Variants in PRSS23 observed in about 807,000 individuals in gnomAD.
PRSS23 encodes the protein serine protease 23, also known as protease, serine 23.
Under a neutral mutation model 34.7 loss-of-function variants are expected in PRSS23, and 25 were observed. The ratio of observed to expected loss-of-function variants is 0.72; its 90% CI spans 0.53 to 1.01. PRSS23 has a LOEUF of 1.01. Among genes scored for constraint, PRSS23 ranks in the 50% least tolerant of loss-of-function variants. The pLI, the probability that PRSS23 is intolerant of heterozygous loss-of-function variation, is 0.00. For synonymous variants in PRSS23, 176 were observed against 186.6 expected, an observed-to-expected ratio of 0.94 and a Z score of 0.46; for missense variants, 445 against 475.6, an observed-to-expected ratio of 0.94 and a Z score of 0.60.
intron 2 of PRSS23, among the ~76,000 whole-genome samples, chr11:86,847,877 C>T (rs949482559): frequency 5.3e-5 from 8 of 152,266 alleles, no homozygotes; most frequent in Admixed American, 2.0e-4. Flanking sequence ...CAATACTGCC[C>T]TGTGCCAAGC....
chr11:86,806,991 G>T (rs1277905382), intron 1 of PRSS23, among the ~76,000 whole-genome samples: 1 of 152,112 alleles, frequency 6.6e-6, no homozygotes, highest in Non-Finnish European at 1.5e-5. Flanking sequence ...TAATAGTAAA[G>T]GTTGTTGTAA....
At chr11:86,854,427 T>C (rs1948554188) in intron 2 of PRSS23, among the ~76,000 whole-genome samples, 1 of 152,258 alleles carries the variant, frequency 6.6e-6, no homozygotes. Context: ...TTTTCAGATG[T>C]ATGATTTGCA....
At chr11:86,892,917 T>C (rs1948850928) in intron 2 of PRSS23, among the ~76,000 whole-genome samples, 1 of 152,130 alleles carries the variant, frequency 6.6e-6, no homozygotes, top group Non-Finnish European at 1.5e-5. Context: ...GGGTTGAATA[T>C]TGTCCCCCAA....
intron 2 of PRSS23, chr11:86,935,592 CAATTACT>C (rs1287871170): frequency 6.6e-6 from 1 of 152,068 alleles, no homozygotes; most frequent in Non-Finnish European, 1.5e-5. Flanking sequence ...CATCCATTAC[CAATTACT>C]AAACACATAC....
intron 1 of PRSS23, among the ~76,000 whole-genome samples, chr11:86,822,192 G>A (rs540428579): frequency 1.3e-5 from 2 of 152,112 alleles, no homozygotes; most frequent in African/African-American, 2.4e-5. Flanking sequence ...ACTGAAAAAC[G>A]TGTCTTTGTG....
Position 86,919,515 on chromosome 11 carries a change from G to T in PRSS23, c.207-31701G>T, listed in dbSNP as rs1949034256. Among the ~76,000 whole-genome samples, 3 of 152,088 alleles carry T rather than the reference G, an allele frequency of 2.0e-5. No homozygotes were observed. In the South Asian group the frequency reaches 6.2e-4, roughly 32 times the overall value. On this transcript the variant is annotated intron_variant, in intron 2 of 2. Transcript: ENST00000533902. ...CTAATTGAAAGCCATTGTCTTGAGT[G>T]AATGATTGTAGAGAAGGCTTACTCC...
chr11:86,847,800 T>C (rs1413079892), intron 2 of PRSS23, among the ~76,000 whole-genome samples: 1 of 152,192 alleles, frequency 6.6e-6, no homozygotes, highest in Non-Finnish European at 1.5e-5. Flanking sequence ...CAACTAGCTC[T>C]TTTCTGTAAG....
intron 2 of PRSS23, among the ~76,000 whole-genome samples, chr11:86,840,670 C>G (rs1371970323): frequency 6.6e-6 from 1 of 152,168 alleles, no homozygotes; most frequent in Admixed American, 6.5e-5. Flanking sequence ...CTTGTCAGCA[C>G]CACATCACAC....
intron 2 of PRSS23, chr11:86,939,026 A>G (rs1202786072): frequency 2.2e-6 from 1 of 450,146 alleles, no homozygotes. Flanking sequence ...GCAGAGCTTC[A>G]CATTTTTCAT....
chr11:86,819,160 C>A (rs1292199196), intron 1 of PRSS23, among the ~76,000 whole-genome samples: 2 of 152,166 alleles, frequency 1.3e-5, no homozygotes, highest in Non-Finnish European at 2.9e-5. Flanking sequence ...AAGGCTATGA[C>A]TCGCTGGCCT....
At position 86,821,371 on chromosome 11, in the gene PRSS23, G is replaced by A. The variant is rs1261022151; in HGVS notation, c.-11-2006G>A. On this transcript the variant is annotated intron_variant, in intron 1 of 2. Transcript: ENST00000533902. ...GGTATAGTGATCCTAGTTTTGCTAC[G>A]GATTACTTCTTTATGCTAACCCTGC... 39 of 1,023,080 alleles carry A rather than the reference G, an allele frequency of 3.8e-5. No individual in the cohort carries two copies. In the East Asian group the frequency reaches 6.9e-4, roughly 18 times the overall value. The allele number at this position is 1,023,080 out of a possible 1,614,324, so 63.4% of individuals were successfully genotyped here. A position where few individuals can be genotyped will look rare whatever the true frequency, so the allele number is the denominator to read the frequency against.
At chr11:86,866,403 A>T (rs1042615796) in intron 2 of PRSS23, among the ~76,000 whole-genome samples, 5 of 152,226 alleles carry the variant, frequency 3.3e-5, no homozygotes, top group African/African-American at 1.2e-4. Context: ...GGGTAAAATG[A>T]CATTAGGAGA....
At chr11:86,876,400 C>A (rs1289998650) in intron 2 of PRSS23, among the ~76,000 whole-genome samples, 1 of 152,200 alleles carries the variant, frequency 6.6e-6, no homozygotes, top group Non-Finnish European at 1.5e-5. Context: ...TCTGGCTAAC[C>A]ATTATTGCCT....
intron 2 of PRSS23, among the ~76,000 whole-genome samples, chr11:86,834,526 CTTTCCTTTCCTTTCCTTTCCTTTCCTT>C (rs1192617345): frequency 2.1e-5 from 3 of 140,648 alleles, no homozygotes; most frequent in Non-Finnish European, 3.1e-5. Flanking sequence ...CTTTCCTTTC[CTTTCCTTTCCTTTCCTTTCCTTTCCTT>C]TTTCCTTTCC....
chr11:86,810,031 A>G lies in PRSS23; in HGVS notation c.*1236A>G, dbSNP rs1948159904. ...CTGGAATGCTCTAGGTTATAGATAA[A>G]CAATTAGGTATAATAGCAAAAATGA... On this transcript the variant is annotated 3_prime_UTR_variant, in exon 2 of 2. Transcript: ENST00000280258. 1 of 166,936 alleles carries G rather than the reference A, an allele frequency of 6.0e-6. No individual in the cohort carries two copies. The highest frequency in any genetic ancestry group is 1.5e-5 in the Non-Finnish European group (1 of 68,122). 10.3% of individuals were successfully genotyped at this position (166,936 alleles called of 1,614,324 possible).
Position 86,827,743 on chromosome 11 carries a change from C to T in PRSS23, c.206+4150C>T, listed in dbSNP as rs181774677. On this transcript the variant is annotated intron_variant, in intron 2 of 2. Coordinates refer to the PRSS23 transcript ENST00000533902. ...AACAACTTTATTTCTGCCTTCATTT[C>T]GTTATGTACCCAGTAGTCATTCAGG... Among the ~76,000 whole-genome samples the T allele has an allele frequency of 9.8e-3, 1,489 of 152,188 alleles. 29 individuals are homozygous for T. Among genetic ancestry groups the T allele is most frequent in the African/African-American group, 0.034 (1,411 of 41,504 alleles).
At chr11:86,855,197 T>G (rs1202984284) in intron 2 of PRSS23, among the ~76,000 whole-genome samples, 2 of 151,790 alleles carry the variant, frequency 1.3e-5, no homozygotes, top group African/African-American at 4.8e-5. Flanking sequence ...CAGCATGATT[T>G]CGAGTCCCAG....
At chr11:86,845,713 G>T (rs1296671277) in intron 2 of PRSS23, among the ~76,000 whole-genome samples, 1 of 151,990 alleles carries the variant, frequency 6.6e-6, no homozygotes, top group Admixed American at 6.5e-5. Flanking sequence ...TCTTCCCCAA[G>T]AAAGCTATAA....
At chr11:86,898,879 C>T (rs1948893201) in intron 2 of PRSS23, among the ~76,000 whole-genome samples, 1 of 152,134 alleles carries the variant, frequency 6.6e-6, no homozygotes, top group Admixed American at 6.5e-5. Flanking sequence ...GTCATGGGCA[C>T]TCATCTATGT....
Sources: allele counts gnomAD v4.1 joint callset (sites outside exome capture counted in the v4.1 genomes callset), GRCh38; gene constraint gnomAD v4.1.1; transcripts MANE v1.5; gene names NCBI Gene and HGNC (gene_info 2026-07-23, HGNC 2026-07-21).